PIK3C2A: variants seen among roughly 807,000 people sequenced by gnomAD.
PIK3C2A encodes the protein phosphatidylinositol 4-phosphate 3-kinase C2 domain-containing subunit alpha.
Under a neutral mutation model 204.5 loss-of-function variants are expected in PIK3C2A, and 97 were observed. The observed-to-expected ratio is 0.47, with a 90% CI of 0.40 to 0.56. The LOEUF (loss-of-function observed/expected upper bound fraction) is 0.56, where lower values mean the gene tolerates loss of function less well. Ranked by LOEUF, PIK3C2A falls within the 20% of genes least tolerant of loss-of-function variation. The pLI, the probability that PIK3C2A is intolerant of heterozygous loss-of-function variation, is 0.00. For synonymous variants in PIK3C2A, 653 were observed against 664.4 expected (o/e 0.98, Z 0.26); for missense variants, 1,735 against 1,969.2 (o/e 0.88, Z 2.25).
At chr11:17,106,971 T>C (rs1017044476) in intron 22 of PIK3C2A, among the ~76,000 whole-genome samples, 2 of 152,210 alleles carry the variant, frequency 1.3e-5, no homozygotes, top group Non-Finnish European at 2.9e-5. Context: ...AATTGAAATA[T>C]AAATGCCTGG....
chr11:17,106,457 A>G (rs1341516444), intron 22 of PIK3C2A, among the ~76,000 whole-genome samples: 2 of 152,190 alleles, frequency 1.3e-5, no homozygotes, highest in Non-Finnish European at 2.9e-5. Context: ...GCCAATCAAA[A>G]TTGTTCTTTA....
chr11:17,132,034 C>T lies in PIK3C2A; in HGVS notation c.2113G>A (p.Glu705Lys). 1.3e-6 allele frequency: 2 copies of T among 1,502,672 alleles called. No homozygotes were observed. The highest frequency in any genetic ancestry group is 2.3e-5 in the East Asian group (1 of 43,682). 93.1% of individuals were successfully genotyped at this position (1,502,672 alleles called of 1,614,324 possible). The part of the protein sequence containing the change: ...GISSNWVSNY[E>K]KYYLICSLSH... ...AGTGAACATATCAAGTAGTATTTTTCATAACTGAGAAAAGAAAGTTTAACT... is the reference window on the plus strand; with the variant it reads ...AGTGAACATATCAAGTAGTATTTTTTATAACTGAGAAAAGAAAGTTTAACT... The change falls in exon 12 of 33, where the codon GAA becomes AAA. Residue 705 changes from glutamate (E) to lysine (K), a missense_variant. Physicochemically the swap from Glu to Lys is moderately conservative, Grantham distance 56 (BLOSUM62 1). This residue lies in a region of PIK3C2A where 567 missense variants were observed against 576.0 expected (regional missense o/e 0.98). Transcript: ENST00000691414.
chr11:17,180,819 T>C (rs1445988203), intron 1 of PIK3C2A, among the ~76,000 whole-genome samples: 1 of 152,178 alleles, frequency 6.6e-6, no homozygotes, highest in Admixed American at 6.5e-5. Context: ...CAGACTACGG[T>C]CACAAGTAGT....
intron 20 of PIK3C2A, among the ~76,000 whole-genome samples, chr11:17,113,214 C>T (rs943496606): frequency 1.3e-5 from 2 of 152,034 alleles, no homozygotes; most frequent in Non-Finnish European, 2.9e-5. Context: ...TGGAAGATAA[C>T]AGATACGCAA....
chr11:17,177,631 CAAGAT>C (rs1851380576), intron 1 of PIK3C2A, among the ~76,000 whole-genome samples: 1 of 152,010 alleles, frequency 6.6e-6, no homozygotes, highest in Non-Finnish European at 1.5e-5. Context: ...CAGTACATGA[CAAGAT>C]AATATTCTCA....
chr11:17,152,608 A>G (rs560942797), intron 3 of PIK3C2A, among the ~76,000 whole-genome samples: 5 of 152,298 alleles, frequency 3.3e-5, no homozygotes, highest in African/African-American at 9.6e-5. Context: ...ACTATCTATA[A>G]AGAGTATTTA....
intron 1 of PIK3C2A, among the ~76,000 whole-genome samples, chr11:17,195,239 C>G (rs1024853835): frequency 1.3e-5 from 2 of 149,180 alleles, no homozygotes; most frequent in Non-Finnish European, 3.0e-5. Context: ...TTGGTGAAAC[C>G]CTGTCTCTAC....
rs569882194 is a variant in PIK3C2A, at chr11:17,178,713, A to ATTTTT, written c.-65-8912_-65-8908dup. Among the ~76,000 whole-genome samples the ATTTTT allele has an allele frequency of 7.1e-4, 7 of 9,826 alleles. 3 individuals are homozygous for ATTTTT. The highest frequency in any genetic ancestry group is 5.3e-4 in the Non-Finnish European group (3 of 5,706). 6.4% of individuals were successfully genotyped at this position (9,826 alleles called of 152,430 possible). On this transcript the variant is annotated intron_variant, in intron 1 of 32. Transcript: ENST00000691414. Reference sequence around the variant, plus strand: ...GCCACCACACCTGGTTGATTTTTGAATTTTTTTTTTTTTTTTTTTTTTTTT... The same window carrying ATTTTT: ...GCCACCACACCTGGTTGATTTTTGAATTTTTTTTTTTTTTTTTTTTTTTTTTTTTT...
At chr11:17,156,874 G>C (rs564344103) in intron 2 of PIK3C2A, among the ~76,000 whole-genome samples, 1 of 152,180 alleles carries the variant, frequency 6.6e-6, no homozygotes, top group East Asian at 1.9e-4. Context: ...GTGTGGCATT[G>C]CACACTTGTA....
chr11:17,204,575 C>T (rs1852499814), intron 1 of PIK3C2A, among the ~76,000 whole-genome samples: 2 of 152,174 alleles, frequency 1.3e-5, no homozygotes, highest in Admixed American at 1.3e-4. Context: ...TCTCCCAGCC[C>T]AGGTGACCAT....
Position 17,089,003 on chromosome 11 carries a change from A to G in PIK3C2A, c.*735T>C, listed in dbSNP as rs918208523. 6.6e-6 allele frequency: 1 copy of G among 152,254 alleles called. No homozygotes were observed. The highest frequency in any genetic ancestry group is 2.4e-5 in the African/African-American group (1 of 41,468). 9.4% of individuals were successfully genotyped at this position (152,254 alleles called of 1,614,324 possible). ...TTTTTTGTGGGAAAAACATTAGTAC[A>G]TGTACATAATTTCTTGTCTTTAGTA... On this transcript the variant is annotated 3_prime_UTR_variant, in exon 33 of 33. Coordinates refer to ENST00000691414, the MANE Select transcript of PIK3C2A (RefSeq NM_002645.4).
At chr11:17,191,619 T>G (rs1001726731) in intron 1 of PIK3C2A, among the ~76,000 whole-genome samples, 1 of 152,276 alleles carries the variant, frequency 6.6e-6, no homozygotes, top group African/African-American at 2.4e-5. Flanking sequence ...TGAAATAAAC[T>G]GTAACCATGA....
At chr11:17,174,568 T>A (rs1422199844) in intron 1 of PIK3C2A, among the ~76,000 whole-genome samples, 1 of 23,774 alleles carries the variant, frequency 4.2e-5, no homozygotes, top group Non-Finnish European at 6.9e-5. Flanking sequence ...CACTCCAGCC[T>A]GGGCGACAGA....
intron 2 of PIK3C2A, among the ~76,000 whole-genome samples, chr11:17,161,323 T>C (rs1850769571): frequency 6.6e-6 from 1 of 152,212 alleles, no homozygotes; most frequent in Non-Finnish European, 1.5e-5. Context: ...TCAAATATAC[T>C]CAGTCAGACT....
intron 13 of PIK3C2A, among the ~76,000 whole-genome samples, chr11:17,124,240 C>G (rs1386743532): frequency 6.6e-6 from 1 of 152,116 alleles, no homozygotes; most frequent in Non-Finnish European, 1.5e-5. Context: ...ATTATTTCAT[C>G]TACAAATACT....
At chr11:17,093,339 T>C (rs1364485138) in intron 28 of PIK3C2A, among the ~76,000 whole-genome samples, 2 of 152,226 alleles carry the variant, frequency 1.3e-5, no homozygotes, top group Admixed American at 6.5e-5. Context: ...CCATCTCAGC[T>C]CACTGCAAGC....
chr11:17,192,643 C>T (rs894218122), intron 1 of PIK3C2A, among the ~76,000 whole-genome samples: 2 of 152,136 alleles, frequency 1.3e-5, no homozygotes, highest in African/African-American at 4.8e-5. Flanking sequence ...GATGGGGTTT[C>T]ACCATGTTAG....
intron 1 of PIK3C2A, among the ~76,000 whole-genome samples, chr11:17,183,777 C>G (rs1296731105): frequency 6.6e-6 from 1 of 151,926 alleles, no homozygotes. Context: ...CAGCCAACAG[C>G]AGACCATATA....
chr11:17,111,043 G>A (rs185382283), intron 21 of PIK3C2A, among the ~76,000 whole-genome samples: 5,278 of 152,116 alleles, frequency 0.035, 142 homozygotes, highest in Middle Eastern at 0.054. Context: ...GAGTAGCTGG[G>A]ATTATAGGTG....
Sources: gnomAD v4.1 joint callset for allele counts (sites outside exome capture counted in the v4.1 genomes callset) on GRCh38, gnomAD v4.1.1 for gene constraint, gnomAD v4.1.1 regional missense constraint, MANE v1.5 for transcripts, NCBI Gene and HGNC (gene_info 2026-07-23, HGNC 2026-07-21) for gene names.